CYP7B1: variants seen among roughly 807,000 people sequenced by gnomAD.
The protein encoded by CYP7B1 is cytochrome P450 family 7 subfamily B member 1.
In CYP7B1, 29 loss-of-function variants were observed where a neutral mutation model predicts 42.7. The ratio of observed to expected loss-of-function variants is 0.68; its 90% CI spans 0.51 to 0.93. The LOEUF (loss-of-function observed/expected upper bound fraction) is 0.93, where lower values mean the gene tolerates loss of function less well. CYP7B1 is among the 40% of genes least tolerant of loss of function. CYP7B1 has a pLI of 0.00. For missense variants in CYP7B1, 655 were observed against 600.5 expected (o/e 1.09, Z -0.95); for synonymous variants, 235 against 218.2 (o/e 1.08, Z -0.68).
intron 1 of CYP7B1, among the ~76,000 whole-genome samples, chr8:64,681,217 T>C (rs1349922071): frequency 1.3e-5 from 2 of 152,134 alleles, no homozygotes; most frequent in Non-Finnish European, 2.9e-5. Context: ...TGGTGGAAAA[T>C]AGGATCAGAA....
At chr8:64,634,361 G>A (rs1805739440) in intron 1 of CYP7B1, among the ~76,000 whole-genome samples, 1 of 152,016 alleles carries the variant, frequency 6.6e-6, no homozygotes, top group Non-Finnish European at 1.5e-5. Context: ...CCTGAGGTCA[G>A]GAATTCGAAG....
At chr8:64,625,526 A>C (rs1232870001) in intron 1 of CYP7B1, among the ~76,000 whole-genome samples, 1 of 152,222 alleles carries the variant, frequency 6.6e-6, no homozygotes, top group African/African-American at 2.4e-5. Context: ...CAGCTGCCTG[A>C]TTTTATTGGT....
At chr8:64,663,368 T>G (rs1806227779) in intron 1 of CYP7B1, among the ~76,000 whole-genome samples, 1 of 152,192 alleles carries the variant, frequency 6.6e-6, no homozygotes, top group South Asian at 2.1e-4. Context: ...CTTAAATGTT[T>G]TAAAAAATGG....
intron 1 of CYP7B1, among the ~76,000 whole-genome samples, chr8:64,713,041 C>G (rs1435008776): frequency 1.3e-5 from 2 of 152,046 alleles, no homozygotes; most frequent in Non-Finnish European, 2.9e-5. Context: ...TCTTATTTAT[C>G]TTTATTCTAT....
chr8:64,705,702 A>C (rs1473418203), intron 1 of CYP7B1, among the ~76,000 whole-genome samples: 1 of 152,002 alleles, frequency 6.6e-6, no homozygotes, highest in African/African-American at 2.4e-5. Context: ...GATAATACTG[A>C]AGTATGTAAA....
intron 2 of CYP7B1, among the ~76,000 whole-genome samples, chr8:64,620,981 G>T (rs890722096): frequency 2.0e-5 from 3 of 152,028 alleles, no homozygotes; most frequent in African/African-American, 7.2e-5. Context: ...GGTTATTTTT[G>T]TACATTGGTA....
intron 1 of CYP7B1, among the ~76,000 whole-genome samples, chr8:64,710,546 C>T (rs1017134433): frequency 3.3e-5 from 5 of 152,102 alleles, no homozygotes. Context: ...TTCTTACATC[C>T]CCAATTCCTC....
At chr8:64,614,304 A>T (rs2129630152) in intron 4 of CYP7B1, among the ~76,000 whole-genome samples, 1 of 152,280 alleles carries the variant, frequency 6.6e-6, no homozygotes, top group Middle Eastern at 3.4e-3. Flanking sequence ...ATAGAAAAAA[A>T]CCTTAGTCAC....
At chr8:64,792,362 A>T (rs1278369106) in intron 1 of CYP7B1, among the ~76,000 whole-genome samples, 1 of 152,202 alleles carries the variant, frequency 6.6e-6, no homozygotes, top group African/African-American at 2.4e-5. Flanking sequence ...AGAAGGCACT[A>T]ATATTAGGAG....
At chr8:64,793,002 C>T (rs1013282943) in intron 1 of CYP7B1, among the ~76,000 whole-genome samples, 9 of 152,116 alleles carry the variant, frequency 5.9e-5, no homozygotes, top group Admixed American at 1.3e-4. Context: ...GTAATCACAA[C>T]TGTCCTCATA....
chr8:64,672,657 C>A (rs1202308052), intron 1 of CYP7B1, among the ~76,000 whole-genome samples: 1 of 152,106 alleles, frequency 6.6e-6, no homozygotes, highest in African/African-American at 2.4e-5. Context: ...CATCCAAGAG[C>A]TGTGACTCCT....
At chr8:64,623,743 G>T (rs1805565650) in intron 2 of CYP7B1, among the ~76,000 whole-genome samples, 1 of 152,148 alleles carries the variant, frequency 6.6e-6, no homozygotes, top group African/African-American at 2.4e-5. Context: ...CTTGACCAGT[G>T]GTTGCTGGAG....
chr8:64,696,693 C>G (rs548873171), intron 1 of CYP7B1, among the ~76,000 whole-genome samples: 1 of 152,104 alleles, frequency 6.6e-6, no homozygotes, highest in African/African-American at 2.4e-5. Context: ...GATTTCCATA[C>G]GAAATAGTCC....
intron 1 of CYP7B1, among the ~76,000 whole-genome samples, chr8:64,795,662 C>T (rs528738141): frequency 1.9e-3 from 284 of 152,290 alleles, no homozygotes; most frequent in African/African-American, 6.7e-3. Context: ...ATTGTTGATT[C>T]CCATCTCTCT....
At chr8:64,691,487 G>GGA in intron 1 of CYP7B1, among the ~76,000 whole-genome samples, 1 of 149,302 alleles carries the variant, frequency 6.7e-6, no homozygotes, top group East Asian at 2.0e-4. Context: ...GCAACTGGGG[G>GGA]GGGGGGGTGG....
chr8:64,720,995 C>A (rs1265990659), intron 1 of CYP7B1, among the ~76,000 whole-genome samples: 1 of 151,086 alleles, frequency 6.6e-6, no homozygotes, highest in East Asian at 1.9e-4. Flanking sequence ...AAACAAAAAT[C>A]TATTATTTAA....
At chr8:64,761,224 A>C (rs1807884961) in intron 1 of CYP7B1, among the ~76,000 whole-genome samples, 1 of 152,182 alleles carries the variant, frequency 6.6e-6, no homozygotes, top group Non-Finnish European at 1.5e-5. Context: ...AAGGGTACAA[A>C]CATTCAGCTG....
chr8:64,749,735 C>A (rs1440160367), intron 1 of CYP7B1, among the ~76,000 whole-genome samples: 1 of 152,136 alleles, frequency 6.6e-6, no homozygotes, highest in East Asian at 1.9e-4. Flanking sequence ...TGCACCAGAG[C>A]AGTGGTTTTC....
chr8:64,772,370 A>G (rs1272421004), intron 1 of CYP7B1, among the ~76,000 whole-genome samples: 1 of 152,206 alleles, frequency 6.6e-6, no homozygotes, highest in East Asian at 1.9e-4. Flanking sequence ...AGTAGGACAG[A>G]TTGTCCTCTA....
Sources: allele counts gnomAD v4.1 joint callset (sites outside exome capture counted in the v4.1 genomes callset), GRCh38; gene constraint gnomAD v4.1.1; transcripts MANE v1.5; gene names NCBI Gene and HGNC (gene_info 2026-07-23, HGNC 2026-07-21).